Variants in UBE2L3 observed in about 807,000 individuals in gnomAD.
UBE2L3 encodes the protein ubiquitin-conjugating enzyme E2 L3.
Under a neutral mutation model 17.8 loss-of-function variants are expected in UBE2L3, and 1 was observed. The observed-to-expected ratio is 0.06, with a 90% CI of 0.02 to 0.27. The LOEUF (loss-of-function observed/expected upper bound fraction) is 0.27, where lower values mean the gene tolerates loss of function less well. Ranked by LOEUF, UBE2L3 falls within the 10% of genes least tolerant of loss-of-function variation. The pLI, the probability that UBE2L3 is intolerant of heterozygous loss-of-function variation, is 1.00. For synonymous variants in UBE2L3, 44 were observed against 68.5 expected (o/e 0.64, Z 1.76); for missense variants, 40 against 192.6 (o/e 0.21, Z 4.69).
intron 2 of UBE2L3, among the ~76,000 whole-genome samples, chr22:21,603,640 G>A (rs1928984746): frequency 6.6e-6 from 1 of 150,528 alleles, no homozygotes; most frequent in Non-Finnish European, 1.5e-5. Context: ...TCAGGAGATC[G>A]AAACCATCCT....
chr22:21,580,613 C>T (rs1927566927), intron 1 of UBE2L3, among the ~76,000 whole-genome samples: 1 of 151,986 alleles, frequency 6.6e-6, no homozygotes, highest in Non-Finnish European at 1.5e-5. Flanking sequence ...CCATGCCTGG[C>T]TAAGTTTTTT....
At chr22:21,617,599 GA>G (rs945828512) in intron 3 of UBE2L3, among the ~76,000 whole-genome samples, 1 of 150,756 alleles carries the variant, frequency 6.6e-6, no homozygotes, top group Non-Finnish European at 1.5e-5. Context: ...ACATTTTGCA[GA>G]AAAAAAAAGT....
chr22:21,578,364 GAAA>G (rs34977459), intron 1 of UBE2L3, among the ~76,000 whole-genome samples: 1 of 127,576 alleles, frequency 7.8e-6, no homozygotes. Context: ...TGTCTCGAAA[GAAA>G]AAAAAAAAAA....
intron 1 of UBE2L3, among the ~76,000 whole-genome samples, chr22:21,557,306 A>G (rs1482266886): frequency 6.6e-6 from 1 of 152,252 alleles, no homozygotes; most frequent in African/African-American, 2.4e-5. Context: ...GGCAGAGGTT[A>G]CAGTGGACTG....
intron 3 of UBE2L3, chr22:21,614,478 C>A: frequency 1.1e-6 from 1 of 896,102 alleles, no homozygotes; most frequent in Non-Finnish European, 1.6e-6. Context: ...GTGCCACCCT[C>A]CTGCTGTAAT....
chr22:21,574,118 A>G (rs1927132000), intron 1 of UBE2L3, among the ~76,000 whole-genome samples: 1 of 152,212 alleles, frequency 6.6e-6, no homozygotes, highest in Admixed American at 6.5e-5. Flanking sequence ...TCCTGTGGCC[A>G]GCTTCATCAT....
At chr22:21,617,257 G>GGTTTTTT (rs778647392) in intron 3 of UBE2L3, among the ~76,000 whole-genome samples, 3 of 151,824 alleles carry the variant, frequency 2.0e-5, no homozygotes, top group Admixed American at 6.6e-5. Flanking sequence ...TTGTTGTGTG[G>GGTTTTTT]GTTTTTTGTT....
At chr22:21,566,627 A>G (rs556736874), upstream of UBE2L3, among the ~76,000 whole-genome samples, 1 of 151,604 alleles carries the variant, frequency 6.6e-6, no homozygotes, top group Admixed American at 6.6e-5. Context: ...CAATACTCAT[A>G]TCTATCAAAG....
At chr22:21,620,367 C>A (rs147387847) in intron 3 of UBE2L3, among the ~76,000 whole-genome samples, 1 of 151,928 alleles carries the variant, frequency 6.6e-6, no homozygotes, top group Admixed American at 6.6e-5. Flanking sequence ...TTGAGGGTAC[C>A]GTGCAGTAAA....
intron 2 of UBE2L3, among the ~76,000 whole-genome samples, chr22:21,599,450 A>G (rs1187885855): frequency 6.6e-6 from 1 of 152,074 alleles, no homozygotes; most frequent in Non-Finnish European, 1.5e-5. Flanking sequence ...TCACAGCCAG[A>G]CACAAGGTTC....
intron 1 of UBE2L3, among the ~76,000 whole-genome samples, chr22:21,586,815 G>A (rs1373677645): frequency 2.7e-5 from 4 of 148,170 alleles, no homozygotes; most frequent in South Asian, 4.3e-4. Flanking sequence ...TGATCCACCC[G>A]CCTCAGCCTC....
intron 1 of UBE2L3, among the ~76,000 whole-genome samples, chr22:21,560,297 T>C (rs1455807428): frequency 6.6e-6 from 1 of 152,220 alleles, no homozygotes; most frequent in African/African-American, 2.4e-5. Flanking sequence ...TGAGTGTTAC[T>C]GTAATCCCTG....
intron 1 of UBE2L3, among the ~76,000 whole-genome samples, chr22:21,557,677 C>T (rs1225850545): frequency 5.3e-5 from 8 of 152,338 alleles, no homozygotes; most frequent in South Asian, 2.1e-4. Flanking sequence ...TGCCCGCCAC[C>T]GAGCCCGGCT....
At chr22:21,588,456 CTTCT>C (rs1213963218) in intron 1 of UBE2L3, among the ~76,000 whole-genome samples, 21 of 137,884 alleles carry the variant, frequency 1.5e-4, no homozygotes, top group African/African-American at 5.4e-4. Context: ...TCCAATTTTT[CTTCT>C]TTCTTTTTTT....
chr22:21,602,334 C>T (rs1427813516), intron 2 of UBE2L3, among the ~76,000 whole-genome samples: 1 of 152,156 alleles, frequency 6.6e-6, no homozygotes, highest in African/African-American at 2.4e-5. Context: ...TGTCCTACAG[C>T]CAGCTAGGAA....
chr22:21,602,788 G>A (rs1323762476), intron 2 of UBE2L3, among the ~76,000 whole-genome samples: 1 of 152,208 alleles, frequency 6.6e-6, no homozygotes, highest in Non-Finnish European at 1.5e-5. Flanking sequence ...GATGTTGGTG[G>A]AAGACTCGAG....
At chr22:21,570,498 C>T (rs942228148) in intron 1 of UBE2L3, among the ~76,000 whole-genome samples, 3 of 152,080 alleles carry the variant, frequency 2.0e-5, no homozygotes, top group Admixed American at 6.6e-5. Flanking sequence ...AATTGTGGAA[C>T]GTGGTGGGGA....
chr22:21,616,893 C>A (rs1248635867), intron 3 of UBE2L3, among the ~76,000 whole-genome samples: 1 of 150,732 alleles, frequency 6.6e-6, no homozygotes, highest in African/African-American at 2.5e-5. Flanking sequence ...TTGTTTACAT[C>A]CGCTATTGCA....
At chr22:21,567,961 C>A in intron 1 of UBE2L3, 190 bp downstream of exon 1, 3 of 1,379,130 alleles carry the variant, frequency 2.2e-6, no homozygotes, top group Non-Finnish European at 1.9e-6. Context: ...TGGGCGGGAG[C>A]GCAAGGCCGC....
Sources: gnomAD v4.1 joint callset for allele counts (sites outside exome capture counted in the v4.1 genomes callset) on GRCh38, gnomAD v4.1.1 for gene constraint, MANE v1.5 for transcripts, NCBI Gene and HGNC (gene_info 2026-07-23, HGNC 2026-07-21) for gene names.